The following EDA variants were observed in gnomAD, a reference collection of about 807,000 sequenced individuals.
The protein encoded by EDA is ectodysplasin-A.
Under a neutral mutation model 23.6 loss-of-function variants are expected in EDA, and 2 were observed. The observed-to-expected ratio is 0.08, with a 90% confidence interval of 0.03 to 0.27. The LOEUF (loss-of-function observed/expected upper bound fraction) is 0.27. Ranked by LOEUF, EDA falls within the 10% of genes least tolerant of loss-of-function variation. EDA has a pLI of 1.00. For missense variants in EDA, 229 were observed against 324.2 expected, an observed-to-expected ratio of 0.71 and a Z score of 2.26; for synonymous variants, 131 against 132.0, an observed-to-expected ratio of 0.99 and a Z score of 0.05.
intron 1 of EDA, among the ~76,000 whole-genome samples, chrX:69,917,743 T>G (rs1416958900): frequency 9.0e-6 from 1 of 111,595 alleles, no homozygotes; most frequent in Non-Finnish European, 1.9e-5. Context: ...ACTTAGATTA[T>G]CAATTTTTTA....
At chrX:69,847,827 A>G (rs936679352) in intron 1 of EDA, among the ~76,000 whole-genome samples, 1 of 111,839 alleles carries the variant, frequency 8.9e-6, no homozygotes, top group Non-Finnish European at 1.9e-5. Flanking sequence ...ATAAATACAT[A>G]GGAGTGGGTC....
At chrX:69,935,056 G>T (rs1160740565) in intron 1 of EDA, among the ~76,000 whole-genome samples, 1 of 111,860 alleles carries the variant, frequency 8.9e-6, no homozygotes, top group Non-Finnish European at 1.9e-5. Context: ...TATGAAGTTT[G>T]TCTGACTTCT....
At chrX:69,617,582 T>C (rs1208448303) in intron 1 of EDA, 2 of 235,537 alleles carry the variant, frequency 8.5e-6, no homozygotes, top group African/African-American at 5.8e-5. Context: ...GGTGTTTGTT[T>C]TCTATTCTAT....
chrX:69,863,607 G>A (rs201229265), intron 1 of EDA, among the ~76,000 whole-genome samples: 26 of 62,087 alleles, frequency 4.2e-4, no homozygotes, highest in Non-Finnish European at 6.6e-4. Context: ...GTATATATAT[G>A]TGTGTATATA....
intron 1 of EDA, among the ~76,000 whole-genome samples, chrX:69,801,166 A>G (rs2015675598): frequency 9.0e-6 from 1 of 111,591 alleles, no homozygotes; most frequent in African/African-American, 3.3e-5. Flanking sequence ...AAATGTATTT[A>G]TGAGTTTGGA....
At chrX:69,880,659 G>GTA (rs2017730822) in intron 1 of EDA, among the ~76,000 whole-genome samples, 1 of 112,008 alleles carries the variant, frequency 8.9e-6, no homozygotes, top group Non-Finnish European at 1.9e-5. Context: ...ATAGCATTTT[G>GTA]GTCTCCTGGT....
intron 1 of EDA, among the ~76,000 whole-genome samples, chrX:69,728,849 TC>T (rs1039562606): frequency 8.1e-5 from 9 of 111,311 alleles, no homozygotes; most frequent in African/African-American, 2.9e-4. Context: ...TGTACAGGTT[TC>T]CCCCATAAAT....
chrX:69,795,633 T>C (rs371404883), intron 1 of EDA, among the ~76,000 whole-genome samples: 41 of 113,175 alleles, frequency 3.6e-4, no homozygotes, highest in African/African-American at 1.2e-3. Context: ...AGGTGCAGAC[T>C]ACTGCCATCA....
intron 1 of EDA, among the ~76,000 whole-genome samples, chrX:69,784,289 A>C (rs1261696050): frequency 9.8e-6 from 1 of 101,555 alleles, no homozygotes; most frequent in Admixed American, 1.1e-4. Flanking sequence ...GAAGCTCTTT[A>C]GTTTAATTAG....
chrX:69,626,372 A>G (rs1195694447), intron 1 of EDA, among the ~76,000 whole-genome samples: 1 of 112,237 alleles, frequency 8.9e-6, no homozygotes, highest in African/African-American at 3.2e-5. Context: ...TCATAGCAGC[A>G]TTATTCATAA....
chrX:69,966,622 A>G (rs1384161071), intron 2 of EDA, among the ~76,000 whole-genome samples: 1 of 110,435 alleles, frequency 9.1e-6, no homozygotes, highest in Non-Finnish European at 1.9e-5. Flanking sequence ...CATACATAAA[A>G]GGATATTTAT....
intron 1 of EDA, among the ~76,000 whole-genome samples, chrX:69,788,889 G>A (rs1453672622): frequency 5.3e-5 from 6 of 112,719 alleles, no homozygotes; most frequent in African/African-American, 1.9e-4. Context: ...CCCTCCCCCA[G>A]CCTCGCTGCC....
At chrX:69,617,876 T>C (rs1020902979) in intron 1 of EDA, 2 of 242,381 alleles carry the variant, frequency 8.3e-6, no homozygotes, top group Non-Finnish European at 1.5e-5. Context: ...GTACGCTTGA[T>C]AGAGACATCA....
At chrX:69,818,443 G>T (rs1227631571) in intron 1 of EDA, among the ~76,000 whole-genome samples, 2 of 111,022 alleles carry the variant, frequency 1.8e-5, no homozygotes, top group African/African-American at 6.5e-5. Context: ...CTGGTTTTTT[G>T]AAAATATTAA....
At chrX:69,769,881 G>T (rs980520067) in intron 1 of EDA, among the ~76,000 whole-genome samples, 3 of 111,258 alleles carry the variant, frequency 2.7e-5, no homozygotes, top group Non-Finnish European at 5.7e-5. Flanking sequence ...ATGGGCAGGG[G>T]TGGTGTGTGT....
intron 1 of EDA, among the ~76,000 whole-genome samples, chrX:69,711,354 T>C (rs1241664055): frequency 2.7e-5 from 3 of 111,628 alleles, no homozygotes; most frequent in Non-Finnish European, 5.6e-5. Flanking sequence ...CACTTGATCA[T>C]GGTGGATAAG....
At position 69,883,404 on chromosome X, in the gene EDA, C is replaced by T. The variant is rs143375306; in HGVS notation, c.397-73623C>T. Among the ~76,000 whole-genome samples the T allele has an allele frequency of 4.8e-3, 536 of 112,181 alleles. 15 individuals carry two copies. Among genetic ancestry groups the T allele is most frequent in the Admixed American group, 0.036 (377 of 10,607 alleles). ...AATTGCCTTTGCCAGGCCACTGCCA[C>T]CATTACCACCATTGACTCAAGGTGG... is the stretch of plus-strand genomic sequence containing the variant. On this transcript the variant is annotated intron_variant, in intron 1 of 7. Coordinates refer to ENST00000374552, the MANE Select transcript of EDA (RefSeq NM_001399.5).
chrX:69,659,774 G>A (rs936282127), intron 1 of EDA, among the ~76,000 whole-genome samples: 5 of 111,445 alleles, frequency 4.5e-5, no homozygotes, highest in African/African-American at 1.6e-4. Context: ...GCAGTGTATG[G>A]TCTAAATGAT....
At chrX:69,679,162 G>A (rs1163303852) in intron 1 of EDA, among the ~76,000 whole-genome samples, 1 of 109,343 alleles carries the variant, frequency 9.1e-6, no homozygotes, top group Non-Finnish European at 1.9e-5. Context: ...TTGCATCCCA[G>A]GGATGAAGCC....
Sources: gnomAD v4.1 joint callset for allele counts (sites outside exome capture counted in the v4.1 genomes callset) on GRCh38, gnomAD v4.1.1 for gene constraint, MANE v1.5 for transcripts, NCBI Gene and HGNC (gene_info 2026-07-23, HGNC 2026-07-21) for gene names.